Variants in GBF1 observed in about 807,000 individuals in gnomAD.
GBF1 encodes golgi brefeldin A resistant guanine nucleotide exchange factor 1.
A neutral mutation model predicts 210.5 loss-of-function variants in GBF1; 114 were observed. The ratio of observed to expected loss-of-function variants is 0.54; its 90% CI spans 0.47 to 0.63. The LOEUF is 0.63. GBF1 is among the 30% of genes least tolerant of loss of function. The probability of loss-of-function intolerance (pLI) is 0.00; values close to 1 mark genes in which losing one functional copy is unlikely to be tolerated. For synonymous variants in GBF1, 850 were observed against 889.2 expected (o/e 0.96, Z 0.78); for missense variants, 1,851 against 2,357.7 (o/e 0.79, Z 4.45).
intron 3 of GBF1, among the ~76,000 whole-genome samples, chr10:102,309,106 A>G (rs980972013): frequency 6.6e-6 from 1 of 152,146 alleles, no homozygotes; most frequent in African/African-American, 2.4e-5. Flanking sequence ...TGCAAAATTC[A>G]TTGAGTTATG....
intron 3 of GBF1, among the ~76,000 whole-genome samples, chr10:102,340,267 C>CTTT (rs1158590447): frequency 1.3e-3 from 106 of 83,540 alleles, no homozygotes; most frequent in Middle Eastern, 0.011. Context: ...TGGTCCATGC[C>CTTT]TTTTTTTTTT....
chr10:102,255,202 G>A (rs2072170656), intron 1 of GBF1, among the ~76,000 whole-genome samples: 1 of 151,960 alleles, frequency 6.6e-6, no homozygotes, highest in Non-Finnish European at 1.5e-5. Context: ...CACCACACCT[G>A]GCTAATTTTT....
intron 3 of GBF1, among the ~76,000 whole-genome samples, chr10:102,338,387 C>T (rs1382987436): frequency 2.6e-5 from 4 of 151,702 alleles, no homozygotes; most frequent in South Asian, 4.2e-4. Flanking sequence ...ATTACAGGCA[C>T]GTGCCACCAC....
At chr10:102,259,195 T>C (rs1472229980) in intron 2 of GBF1, among the ~76,000 whole-genome samples, 161 bp downstream of exon 2, 1 of 152,226 alleles carries the variant, frequency 6.6e-6, no homozygotes, top group Non-Finnish European at 1.5e-5. Context: ...GCATCAGATA[T>C]ATAGGCTATC....
chr10:102,316,181 G>GT (rs746628454), intron 3 of GBF1, among the ~76,000 whole-genome samples: 29 of 151,096 alleles, frequency 1.9e-4, no homozygotes, highest in Admixed American at 9.2e-4. Flanking sequence ...CTGCCTCCTG[G>GT]GTTCAAGCGA....
intron 4 of GBF1, among the ~76,000 whole-genome samples, chr10:102,344,827 C>T (rs1308014539): frequency 2.6e-5 from 4 of 152,064 alleles, no homozygotes. Context: ...AATGCATGCA[C>T]ATTATAAGAA....
chr10:102,369,385 G>C lies in GBF1; in HGVS notation c.3148G>C (p.Glu1050Gln). 1 of 1,609,542 alleles carries C rather than the reference G, an allele frequency of 6.2e-7. No homozygotes were observed. The highest frequency in any genetic ancestry group is 8.5e-7 in the Non-Finnish European group (1 of 1,176,002). The change falls in exon 24 of 40, where the codon GAG becomes CAG. Residue 1050 changes from glutamate (E) to glutamine (Q), a missense_variant and splice_region_variant. By Grantham distance (29) the Glu-to-Gln change is conservative. Transcript: ENST00000369983. ...CCAACTACTGCCCAAGGCTATGATAGAGGTAATTCTTAGTAGGAGACTAGT... is the reference window on the plus strand; with the variant it reads ...CCAACTACTGCCCAAGGCTATGATACAGGTAATTCTTAGTAGGAGACTAGT... Reference protein sequence around the residue: ...RAQLLPKAMIEVEDFVDPNGK... With the variant: ...RAQLLPKAMIQVEDFVDPNGK...
intron 8 of GBF1, among the ~76,000 whole-genome samples, chr10:102,354,349 G>C (rs999592079): frequency 6.6e-6 from 1 of 152,080 alleles, no homozygotes; most frequent in Admixed American, 6.5e-5. Context: ...GTTAAATCGT[G>C]CGTTTGCCTG....
intron 36 of GBF1, 65 bp from the exon 37 acceptor site, chr10:102,380,184 A>G (rs1413695529): frequency 4.8e-6 from 5 of 1,038,826 alleles, no homozygotes; most frequent in Admixed American, 3.4e-5. Flanking sequence ...TTAGCTACCC[A>G]GCCTCAGAGA....
intron 29 of GBF1, among the ~76,000 whole-genome samples, chr10:102,374,367 A>G (rs2060375293): frequency 6.6e-6 from 1 of 151,960 alleles, no homozygotes; most frequent in Non-Finnish European, 1.5e-5. Flanking sequence ...AAGAATTTGA[A>G]GACAGATTGC....
rs1299108054 is a variant in GBF1, at chr10:102,358,639, T to C, written c.921T>C (p.Thr307=). 1 of 1,613,892 alleles carries C rather than the reference T, an allele frequency of 6.2e-7. No homozygotes were observed. Among genetic ancestry groups the C allele is most frequent in the African/African-American group, 1.3e-5 (1 of 74,898 alleles). The change falls in exon 10 of 40, where the codon ACT becomes ACC. Residue 307 remains threonine, a synonymous_variant. Transcript: ENST00000369983. The stretch of plus-strand genomic sequence containing the variant: ...AAACCACTTCCAAGGAAGACCTTAC[T>C]GATCTAGAGCAACCTGGCTCTCCAG... ...SSQTTSKEDL[T]DLEQPGSPGY...
chr10:102,265,587 A>G (rs1351020810), intron 3 of GBF1, among the ~76,000 whole-genome samples: 1 of 152,128 alleles, frequency 6.6e-6, no homozygotes, highest in Non-Finnish European at 1.5e-5. Context: ...ACTTAGGCTG[A>G]GGCGAGAGGA....
intron 3 of GBF1, among the ~76,000 whole-genome samples, chr10:102,316,377 C>T (rs892122484): frequency 2.0e-5 from 3 of 152,138 alleles, no homozygotes; most frequent in African/African-American, 7.2e-5. Flanking sequence ...CATGAGCCAC[C>T]ACGCTCGGCC....
intron 3 of GBF1, among the ~76,000 whole-genome samples, chr10:102,318,691 C>T (rs1350977560): frequency 6.6e-6 from 1 of 151,972 alleles, no homozygotes; most frequent in Non-Finnish European, 1.5e-5. Context: ...CTTCAAGGTC[C>T]CCTCCCTAAA....
chr10:102,252,851 A>C (rs1359269614), intron 1 of GBF1, among the ~76,000 whole-genome samples: 1 of 152,094 alleles, frequency 6.6e-6, no homozygotes. Flanking sequence ...TGTTTCAAAA[A>C]AAAAAAAGGA....
chr10:102,363,716 A>T lies in GBF1; in HGVS notation c.2024A>T (p.Lys675Ile). Residue 675 changes from lysine to isoleucine, a missense_variant, in exon 17 of 40, where the codon AAA (lysine) becomes ATA (isoleucine). Coordinates refer to ENST00000369983, the MANE Select transcript of GBF1 (RefSeq NM_001377137.1). This position sits in a 1 kb window ranked among gnomAD's most constrained non-coding sequence, Gnocchi z 4.2. ...CTCTTCTTCCTACTCCTAGCTGACA[A>T]AAAGTTTGCCCGGAAGCCACCCCGA... ...LEEAVDSGAD[K>I]KFARKPPRFS... 1 of 1,610,094 alleles carries T rather than the reference A, an allele frequency of 6.2e-7. No homozygotes were observed. Among genetic ancestry groups the T allele is most frequent in the Middle Eastern group, 1.7e-4 (1 of 6,056 alleles).
the GBF1 span, among the ~76,000 whole-genome samples, chr10:102,234,098 C>T: frequency 6.6e-6 from 1 of 152,210 alleles, no homozygotes; most frequent in African/African-American, 2.4e-5. Flanking sequence ...ATGCAGGCTG[C>T]ACAGGATGGC....
chr10:102,236,826 G>A, the GBF1 span, among the ~76,000 whole-genome samples: 39 of 152,160 alleles, frequency 2.6e-4, no homozygotes, highest in African/African-American at 8.2e-4. Flanking sequence ...CTCATTCAGG[G>A]GCTAAATGGA....
At chr10:102,265,597 A>T (rs1402777970) in intron 3 of GBF1, among the ~76,000 whole-genome samples, 2 of 152,126 alleles carry the variant, frequency 1.3e-5, no homozygotes, top group Non-Finnish European at 2.9e-5. Flanking sequence ...AGGCGAGAGG[A>T]TCACTTGAGC....
Sources: allele counts gnomAD v4.1 joint callset (sites outside exome capture counted in the v4.1 genomes callset), GRCh38; gene constraint gnomAD v4.1.1; non-coding constraint Gnocchi (gnomAD v3.1); transcripts MANE v1.5; gene names NCBI Gene and HGNC (gene_info 2026-07-23, HGNC 2026-07-21).